The following CRACD variants were observed in gnomAD, a reference collection of about 807,000 sequenced individuals.
The protein encoded by CRACD is capping protein inhibiting regulator of actin dynamics.
CRACD carries 56 observed loss-of-function variants against 106.8 expected under a neutral mutation model. That is an observed-to-expected ratio of 0.52 (90% CI 0.42 to 0.66). The LOEUF is 0.66. CRACD is among the 30% of genes least tolerant of loss of function. The pLI is 0.00. For synonymous variants in CRACD, 754 were observed against 670.8 expected (o/e 1.12, Z -1.92); for missense variants, 1,730 against 1,623.2 (o/e 1.07, Z -1.13).
rs7696138 is a variant in CRACD, at chr4:56,226,916, T to G, written c.-188-45405T>G. 3.9e-3 allele frequency among the ~76,000 whole-genome samples: 590 copies of G among 151,748 alleles called. 1 individual carries two copies. Among genetic ancestry groups the G allele is most frequent in the African/African-American group, 0.014 (562 of 41,340 alleles). ...TCTCCCTTCCTTCCTCCCTGTGGCT[T>G]CTTCTCCTTTGCCATGTGATCACCA... On this transcript the variant is annotated intron_variant, in intron 2 of 10. Transcript: ENST00000682029.
chr4:56,058,479 A>C (rs1403942362), intron 1 of CRACD, among the ~76,000 whole-genome samples: 17 of 152,262 alleles, frequency 1.1e-4, no homozygotes, highest in Non-Finnish European at 7.4e-5. Context: ...CTGTGTTCTG[A>C]AGAAAGCATA....
At chr4:56,236,614 G>A (rs796591747) in intron 2 of CRACD, among the ~76,000 whole-genome samples, 15 of 151,966 alleles carry the variant, frequency 9.9e-5, no homozygotes, top group Admixed American at 5.9e-4. Context: ...CACATAGGAC[G>A]ATGGCTCAAT....
intron 4 of CRACD, among the ~76,000 whole-genome samples, chr4:56,299,220 T>TA (rs939791451): frequency 6.6e-6 from 1 of 152,112 alleles, no homozygotes; most frequent in Non-Finnish European, 1.5e-5. Flanking sequence ...TTTTCCTACC[T>TA]AAAATCTACT....
chr4:56,071,294 C>T (rs1039283051), intron 1 of CRACD, among the ~76,000 whole-genome samples: 1 of 152,100 alleles, frequency 6.6e-6, no homozygotes, highest in South Asian at 2.1e-4. Context: ...AACCAGTATC[C>T]TTTCAGATAG....
At chr4:56,102,438 G>A (rs1157105036) in intron 1 of CRACD, among the ~76,000 whole-genome samples, 3 of 152,272 alleles carry the variant, frequency 2.0e-5, no homozygotes, top group African/African-American at 7.2e-5. Context: ...AGAAACGTAT[G>A]ACTAGATCAG....
chr4:56,268,964 C>T (rs1236444160), intron 2 of CRACD, among the ~76,000 whole-genome samples: 2 of 152,164 alleles, frequency 1.3e-5, no homozygotes, highest in Non-Finnish European at 2.9e-5. Flanking sequence ...AAGATACAAA[C>T]ATTCTGAAAT....
intron 2 of CRACD, among the ~76,000 whole-genome samples, chr4:56,236,371 G>A (rs1447195100): frequency 4.6e-5 from 7 of 152,214 alleles, no homozygotes; most frequent in South Asian, 2.1e-4. Flanking sequence ...TCTAAGAACT[G>A]TGGGAGAATC....
intron 2 of CRACD, among the ~76,000 whole-genome samples, chr4:56,233,226 T>C (rs1346144155): frequency 6.6e-6 from 1 of 152,188 alleles, no homozygotes; most frequent in Non-Finnish European, 1.5e-5. Context: ...AGTCTATAAC[T>C]TATAATTTCA....
At chr4:56,262,611 A>G (rs1325078745) in intron 2 of CRACD, among the ~76,000 whole-genome samples, 1 of 152,210 alleles carries the variant, frequency 6.6e-6, no homozygotes, top group Non-Finnish European at 1.5e-5. Context: ...CAGGGAAACC[A>G]AAAGATTGGA....
At chr4:56,311,981 GT>G (rs1043295734) in intron 6 of CRACD, among the ~76,000 whole-genome samples, 1 of 150,768 alleles carries the variant, frequency 6.6e-6, no homozygotes, top group African/African-American at 2.4e-5. Flanking sequence ...CTGAGGTTGT[GT>G]TTTTTTTTAG....
chr4:56,101,150 C>G (rs1733763752), intron 1 of CRACD, among the ~76,000 whole-genome samples: 1 of 152,012 alleles, frequency 6.6e-6, no homozygotes, highest in Non-Finnish European at 1.5e-5. Context: ...AAGGCAGGGT[C>G]CAACCCCTTT....
intron 4 of CRACD, among the ~76,000 whole-genome samples, chr4:56,302,536 A>C (rs1744428403): frequency 1.3e-5 from 2 of 152,214 alleles, no homozygotes; most frequent in Admixed American, 6.5e-5. Flanking sequence ...TACCAAAGTC[A>C]TACATTCGGG....
At chr4:56,169,651 CA>C (rs1227459681) in intron 1 of CRACD, among the ~76,000 whole-genome samples, 1 of 152,112 alleles carries the variant, frequency 6.6e-6, no homozygotes, top group East Asian at 1.9e-4. Context: ...TGCACACCAC[CA>C]CACCCAGCTA....
chr4:56,147,532 C>T (rs576367342), intron 1 of CRACD, among the ~76,000 whole-genome samples: 19 of 152,200 alleles, frequency 1.2e-4, no homozygotes, highest in African/African-American at 4.6e-4. Flanking sequence ...TAATATGTGA[C>T]CTTTGGTGTC....
intron 2 of CRACD, among the ~76,000 whole-genome samples, chr4:56,229,735 A>G (rs1257737549): frequency 2.0e-5 from 3 of 152,178 alleles, no homozygotes. Context: ...AATGTACTGT[A>G]TGGTACCTTC....
intron 6 of CRACD, 55 bp downstream of exon 6, chr4:56,310,789 T>TCC (rs138135265): frequency 5.7e-4 from 466 of 815,332 alleles, no homozygotes; most frequent in South Asian, 1.5e-3. Flanking sequence ...ACTTTCATCT[T>TCC]CCCCCCCCCT....
chr4:56,054,001 C>G (rs1560437052), intron 1 of CRACD, among the ~76,000 whole-genome samples: 1 of 152,068 alleles, frequency 6.6e-6, no homozygotes, highest in African/African-American at 2.4e-5. Context: ...TGCAGCAAGC[C>G]TGTGTTTTAT....
At chr4:56,204,162 A>G (rs1042662307) in intron 2 of CRACD, among the ~76,000 whole-genome samples, 5 of 152,194 alleles carry the variant, frequency 3.3e-5, no homozygotes, top group African/African-American at 9.6e-5. Flanking sequence ...ACATGATCCC[A>G]CACAATCGCC....
At chr4:56,135,781 C>A (rs1734979965) in intron 1 of CRACD, among the ~76,000 whole-genome samples, 1 of 152,132 alleles carries the variant, frequency 6.6e-6, no homozygotes, top group Non-Finnish European at 1.5e-5. Context: ...TTAAAAAGTG[C>A]AATTTAATGA....
Sources: allele counts gnomAD v4.1 joint callset (sites outside exome capture counted in the v4.1 genomes callset), GRCh38; gene constraint gnomAD v4.1.1; transcripts MANE v1.5; gene names NCBI Gene and HGNC (gene_info 2026-07-23, HGNC 2026-07-21).